The following DLGAP2 variants were observed in gnomAD, a reference collection of about 807,000 sequenced individuals.
DLGAP2 encodes disks large-associated protein 2.
A neutral mutation model predicts 100.3 loss-of-function variants in DLGAP2; 26 were observed. That is an observed-to-expected ratio of 0.26 (90% CI 0.19 to 0.36). The LOEUF (loss-of-function observed/expected upper bound fraction) is 0.36, where lower values mean the gene tolerates loss of function less well. Among genes scored for constraint, DLGAP2 ranks in the 10% least tolerant of loss-of-function variants. DLGAP2 has a pLI of 1.00. For synonymous variants in DLGAP2, 886 were observed against 630.1 expected (o/e 1.41, Z -6.08); for missense variants, 1,858 against 1,453.2 (o/e 1.28, Z -4.53).
chr8:1,515,212 C>G (rs571980122), intron 4 of DLGAP2, among the ~76,000 whole-genome samples: 40 of 152,308 alleles, frequency 2.6e-4, no homozygotes, highest in African/African-American at 9.6e-4. Context: ...AGCCGATGAG[C>G]ACACCCACCC....
At chr8:1,080,620 G>A (rs539983687) in intron 2 of DLGAP2, among the ~76,000 whole-genome samples, 151 of 152,302 alleles carry the variant, frequency 9.9e-4, no homozygotes, top group South Asian at 3.5e-3. Context: ...CTCATCAGGC[G>A]GAACAGGGAC....
At chr8:1,243,793 A>T (rs981452525) in intron 2 of DLGAP2, among the ~76,000 whole-genome samples, 5 of 152,048 alleles carry the variant, frequency 3.3e-5, no homozygotes, top group African/African-American at 1.2e-4. Flanking sequence ...CCACCCTGCC[A>T]CCATTGAAAC....
intron 2 of DLGAP2, among the ~76,000 whole-genome samples, chr8:1,150,119 C>G (rs927620728): frequency 6.6e-6 from 1 of 152,148 alleles, no homozygotes; most frequent in African/African-American, 2.4e-5. Flanking sequence ...TTGTTTTGTT[C>G]CTCCCTGAAG....
chr8:758,975 A>AGCCTTCCCATTATCAAT, intron 1 of DLGAP2, among the ~76,000 whole-genome samples: 1 of 149,942 alleles, frequency 6.7e-6, no homozygotes, highest in East Asian at 2.0e-4. Flanking sequence ...TAACCCCCAC[A>AGCCTTCCCATTATCAAT]ACCTTCCCAT....
chr8:1,637,887 C>T lies in DLGAP2; in HGVS notation c.1810+4841C>T, dbSNP rs185843388. ...CAGGGGAAAGCCAGCACTGCAGCAG[C>T]GTCCGGGAGGCCTTCCGCCTGCAGG... is the stretch of plus-strand genomic sequence containing the variant. On this transcript the variant is annotated intron_variant, in intron 8 of 14. Coordinates refer to ENST00000637795, the MANE Select transcript of DLGAP2 (RefSeq NM_001346810.2). 1.9e-4 allele frequency among the ~76,000 whole-genome samples: 29 copies of T among 152,282 alleles called. No individual in the cohort carries two copies. In the East Asian group the frequency reaches 5.0e-3, roughly 26 times the overall value.
chr8:797,532 T>G (rs1796061320), intron 1 of DLGAP2, among the ~76,000 whole-genome samples: 1 of 152,164 alleles, frequency 6.6e-6, no homozygotes, highest in African/African-American at 2.4e-5. Context: ...AGTCTTTCCA[T>G]AGACATTTGT....
At chr8:1,333,075 G>C (rs1394582624) in intron 3 of DLGAP2, among the ~76,000 whole-genome samples, 1 of 152,194 alleles carries the variant, frequency 6.6e-6, no homozygotes, top group South Asian at 2.1e-4. Flanking sequence ...GTCTGGAGGA[G>C]GTCAGGCTCT....
At chr8:1,037,902 C>A (rs745748482) in intron 2 of DLGAP2, among the ~76,000 whole-genome samples, 1 of 152,112 alleles carries the variant, frequency 6.6e-6, no homozygotes, top group Non-Finnish European at 1.5e-5. Flanking sequence ...GGTGTGAGCC[C>A]GAGAATTTGT....
chr8:1,360,334 G>A (rs1801955457), intron 3 of DLGAP2, among the ~76,000 whole-genome samples: 1 of 151,682 alleles, frequency 6.6e-6, no homozygotes, highest in African/African-American at 2.4e-5. Context: ...CTCCAGGACG[G>A]TGCTTTCAAC....
At chr8:752,730 C>G (rs1343969878) in intron 1 of DLGAP2, among the ~76,000 whole-genome samples, 1 of 152,146 alleles carries the variant, frequency 6.6e-6, no homozygotes, top group Admixed American at 6.5e-5. Flanking sequence ...GAGGTGCAGG[C>G]TGTGCCCTTG....
At chr8:751,032 C>G (rs1278105162) in intron 1 of DLGAP2, among the ~76,000 whole-genome samples, 1 of 152,142 alleles carries the variant, frequency 6.6e-6, no homozygotes, top group African/African-American at 2.4e-5. Flanking sequence ...CGGCCACCCT[C>G]TCACGGAAAG....
At position 1,296,874 on chromosome 8, in the gene DLGAP2, C is replaced by G. The variant is rs138025706; in HGVS notation, c.106+37991C>G. 4.2e-3 allele frequency among the ~76,000 whole-genome samples: 640 copies of G among 152,290 alleles called. 10 individuals carry two copies. Among genetic ancestry groups the G allele is most frequent in the African/African-American group, 0.014 (587 of 41,560 alleles). ...CGGAGGGGATGTTTCATGCGGGGCT[C>G]AGAAAGGCCGGGCTGGAATCCTGAG... On this transcript the variant is annotated intron_variant, in intron 3 of 14. Transcript: ENST00000637795.
At chr8:1,551,208 GC>G (rs1336190569) in intron 5 of DLGAP2, among the ~76,000 whole-genome samples, 1 of 152,214 alleles carries the variant, frequency 6.6e-6, no homozygotes, top group Non-Finnish European at 1.5e-5. Flanking sequence ...AATTTTGTTT[GC>G]CGTCGGCAAA....
At chr8:1,189,667 A>G (rs553364709) in intron 2 of DLGAP2, among the ~76,000 whole-genome samples, 1 of 152,334 alleles carries the variant, frequency 6.6e-6, no homozygotes, top group Admixed American at 6.5e-5. Flanking sequence ...GGATGGATCA[A>G]TGACAGGGCC....
intron 3 of DLGAP2, among the ~76,000 whole-genome samples, chr8:1,494,133 G>T (rs1263038524): frequency 6.6e-6 from 1 of 152,174 alleles, no homozygotes; most frequent in Non-Finnish European, 1.5e-5. Flanking sequence ...GGACGAAAGT[G>T]GGTCATGTCC....
At chr8:859,695 G>A (rs1369565598) in intron 1 of DLGAP2, among the ~76,000 whole-genome samples, 3 of 152,096 alleles carry the variant, frequency 2.0e-5, no homozygotes, top group Non-Finnish European at 4.4e-5. Context: ...AAAGCAGAAC[G>A]AGAAGTTGTT....
In DLGAP2 at chr8:1,129,393, C is replaced by T. The variant is rs573410238; in HGVS notation, c.74-129458C>T. On this transcript the variant is annotated intron_variant, in intron 2 of 14. Transcript: ENST00000637795. ...ACTCCAGCCGGGAGACAGAGTGAGA[C>T]TCCATCTCAAAAAAAAAAAAAAAAA... is the stretch of plus-strand genomic sequence containing the variant. 6.0e-4 allele frequency among the ~76,000 whole-genome samples: 83 copies of T among 137,556 alleles called. 1 individual carries two copies. In the South Asian group the frequency reaches 0.011, roughly 18 times the overall value. 90.2% of individuals were successfully genotyped at this position (137,556 alleles called of 152,430 possible). A position where few individuals can be genotyped will look rare whatever the true frequency, so the allele number is the denominator to read the frequency against.
At chr8:1,084,350 CAT>C (rs1399281152) in intron 2 of DLGAP2, among the ~76,000 whole-genome samples, 1 of 152,194 alleles carries the variant, frequency 6.6e-6, no homozygotes, top group Non-Finnish European at 1.5e-5. Flanking sequence ...AGCTAATTAA[CAT>C]ATCCATTACC....
intron 3 of DLGAP2, among the ~76,000 whole-genome samples, chr8:1,360,805 A>C (rs1322141035): frequency 6.6e-6 from 1 of 152,156 alleles, no homozygotes; most frequent in Non-Finnish European, 1.5e-5. Flanking sequence ...CAGAGGCACG[A>C]GGAAACAGTC....
Sources: allele counts gnomAD v4.1 joint callset (sites outside exome capture counted in the v4.1 genomes callset), GRCh38; gene constraint gnomAD v4.1.1; transcripts MANE v1.5; gene names NCBI Gene and HGNC (gene_info 2026-07-23, HGNC 2026-07-21).